Variants in GATA2 observed in about 807,000 individuals in gnomAD.
GATA2 encodes endothelial transcription factor GATA-2.
A neutral mutation model predicts 35.7 loss-of-function variants in GATA2; 6 were observed. That is an observed-to-expected ratio of 0.17 (90% CI 0.09 to 0.33). GATA2 has a LOEUF of 0.33. GATA2 is among the 10% of genes least tolerant of loss of function. The pLI is 1.00. For synonymous variants in GATA2, 313 were observed against 274.9 expected, an observed-to-expected ratio of 1.14 and a Z score of -1.37; for missense variants, 541 against 656.6, an observed-to-expected ratio of 0.82 and a Z score of 1.92.
At position 128,480,182 on chromosome 3, in the gene GATA2, T is replaced by C. The variant is rs780728933; in HGVS notation, c.*837A>G. ...CATTTTTTTAATATTTTTTCTTTTG[T>C]CTCAGAGTAGGAGGCGAGGGGGTTG... is the stretch of plus-strand genomic sequence containing the variant. On this transcript the variant is annotated 3_prime_UTR_variant, in exon 6 of 6. Coordinates refer to ENST00000341105, the MANE Select transcript of GATA2 (RefSeq NM_032638.5). The C allele has an allele frequency of 8.6e-6, 2 of 233,164 alleles. No homozygotes were observed. The highest frequency in any genetic ancestry group is 1.7e-5 in the Non-Finnish European group (2 of 118,060). 14.4% of individuals were successfully genotyped at this position (233,164 alleles called of 1,614,324 possible). A position where few individuals can be genotyped will look rare whatever the true frequency, so the allele number is the denominator to read the frequency against.
chr3:128,480,228 T>C lies in GATA2; in HGVS notation c.*791A>G. ...GGTTGAAGGGTTAGCAGAAAAAGGA[T>C]GTATTTACAGGGTCCACCTGACAAG... On this transcript the variant is annotated 3_prime_UTR_variant, in exon 6 of 6. Coordinates refer to ENST00000341105, the MANE Select transcript of GATA2 (RefSeq NM_032638.5). 8.6e-6 allele frequency: 2 copies of C among 233,336 alleles called. No individual in the cohort carries two copies. The highest frequency in any genetic ancestry group is 1.7e-5 in the Non-Finnish European group (2 of 118,076). The allele number at this position is 233,336 out of a possible 1,614,324, so 14.5% of individuals were successfully genotyped here.
chr3:128,481,176 C>T lies in GATA2; in HGVS notation c.1286G>A (p.Ser429Asn), dbSNP rs201155045. The T allele has an allele frequency of 3.1e-6, 5 of 1,614,238 alleles. No individual in the cohort carries two copies. Among genetic ancestry groups the T allele is most frequent in the Non-Finnish European group, 4.2e-6 (5 of 1,180,038 alleles). Residue 429 changes from serine to asparagine, a missense_variant, in exon 6 of 6, where the codon AGT becomes AAT. Physicochemically the swap from Ser to Asn is conservative, Grantham distance 46 (BLOSUM62 1). This residue lies in a region of GATA2 where 95 missense variants were observed against 114.0 expected (regional missense o/e 0.83). Coordinates refer to ENST00000341105, the MANE Select transcript of GATA2 (RefSeq NM_032638.5). ...KCMQEKSSPF[S>N]AAALAGHMAP... Reference sequence around the variant, plus strand: ...CATGTGTCCAGCCAGGGCAGCTGCACTGAAGGGGGATGACTTCTCCTGCAT... The same window carrying T: ...CATGTGTCCAGCCAGGGCAGCTGCATTGAAGGGGGATGACTTCTCCTGCAT...
chr3:128,484,185 G>A (rs1020285570), intron 3 of GATA2, among the ~76,000 whole-genome samples, 180 bp from the exon 4 acceptor site: 2 of 152,246 alleles, frequency 1.3e-5, no homozygotes, highest in African/African-American at 4.8e-5. Flanking sequence ...CACATGGGAG[G>A]GGGCACAGGT....
chr3:128,482,032 C>G (rs1260794100), intron 4 of GATA2, 88 bp from the exon 5 acceptor site: 92 of 1,544,486 alleles, frequency 6.0e-5, no homozygotes, highest in Non-Finnish European at 7.6e-5. Flanking sequence ...CCAGTCCCCA[C>G]CAGCTCAGTC....
At chr3:128,481,985 C>T in intron 4 of GATA2, 41 bp from the exon 5 acceptor site, 1 of 1,607,834 alleles carries the variant, frequency 6.2e-7, no homozygotes, top group Non-Finnish European at 8.5e-7. Flanking sequence ...GACTCCCACG[C>T]CCACCTCGAC....
At position 128,480,885 on chromosome 3, in the gene GATA2, G is replaced by T; in HGVS notation, c.*134C>A. The T allele has an allele frequency of 1.0e-6, 1 of 989,684 alleles. No homozygotes were observed. The highest frequency in any genetic ancestry group is 1.5e-6 in the Non-Finnish European group (1 of 683,990). The allele number at this position is 989,684 out of a possible 1,614,324, so 61.3% of individuals were successfully genotyped here. On this transcript the variant is annotated 3_prime_UTR_variant, in exon 6 of 6. Transcript: ENST00000341105. ...ACAGTAACTGCTGGCAGGCTGCTGG[G>T]CGCCCTCCAGGAGAGGGGGTGCTGG...
rs1426383629 is a variant in GATA2, at chr3:128,488,977, G to A, written c.-45-1901C>T. On this transcript the variant is annotated intron_variant, in intron 1 of 5. Coordinates refer to ENST00000341105, the MANE Select transcript of GATA2 (RefSeq NM_032638.5). This position sits in a 1 kb window ranked among gnomAD's most constrained non-coding sequence, Gnocchi z 5.8. ...CCGAGTACTGGGGGGACTCAACAGCGTCCTCCAGCCCTCTTCCCTGTTGGG... is the reference window on the plus strand; with the variant it reads ...CCGAGTACTGGGGGGACTCAACAGCATCCTCCAGCCCTCTTCCCTGTTGGG... 6.6e-6 allele frequency among the ~76,000 whole-genome samples: 1 copy of A among 152,088 alleles called. No homozygotes were observed. Among genetic ancestry groups the A allele is most frequent in the African/African-American group, 2.4e-5 (1 of 41,420 alleles).
At chr3:128,482,131 A>G (rs1576745510) in intron 4 of GATA2, 187 bp from the exon 5 acceptor site, 2 of 740,474 alleles carry the variant, frequency 2.7e-6, no homozygotes, top group East Asian at 5.5e-5. Context: ...AGACTCACAG[A>G]ACTTTGGAAT....
intron 1 of GATA2, among the ~76,000 whole-genome samples, chr3:128,487,292 TCA>T (rs1455546876): frequency 6.6e-6 from 1 of 152,056 alleles, no homozygotes; most frequent in African/African-American, 2.4e-5. Flanking sequence ...GGCTCCAGAA[TCA>T]CACACCCGTG....
rs199640729 is a variant in GATA2, at chr3:128,486,118, G to A, written c.480C>T (p.Thr160=). The change falls in exon 3 of 6, where the codon ACC becomes ACT. Residue 160 remains threonine, a synonymous_variant. Coordinates refer to ENST00000341105, the MANE Select transcript of GATA2 (RefSeq NM_032638.5). ...GGGAGCCAGAGTGGGCTGCTGTAGGGGTGAGGGAGGCCACTGAGCTCCCGC... is the reference window on the plus strand; with the variant it reads ...GGGAGCCAGAGTGGGCTGCTGTAGGAGTGAGGGAGGCCACTGAGCTCCCGC... ...GGSGSSVASL[T]PTAAHSGSHL... 4.3e-5 allele frequency: 70 copies of A among 1,611,654 alleles called. No homozygotes were observed. The East Asian group carries it at 1.4e-3, about 33-fold the overall frequency.
rs754721904 is a variant in GATA2 at position 128,486,128 on chromosome 3, G to T, written c.470C>A (p.Ala157Asp). 6.2e-7 allele frequency: 1 copy of T among 1,608,522 alleles called. No individual in the cohort carries two copies. The highest frequency in any genetic ancestry group is 8.5e-7 in the Non-Finnish European group (1 of 1,178,220). Residue 157 changes from alanine to aspartate, a missense_variant, in exon 3 of 6, where the codon GCC becomes GAC. By Grantham distance (126) the Ala-to-Asp change is moderately radical (BLOSUM62 -2). Transcript: ENST00000341105. ...GSGGGSGSSV[A>D]SLTPTAAHSG... ...GTGGGCTGCTGTAGGGGTGAGGGAG[G>T]CCACTGAGCTCCCGCTGCCTCCCCC...
At chr3:128,484,418 C>G (rs572211003) in intron 3 of GATA2, among the ~76,000 whole-genome samples, 7 of 152,290 alleles carry the variant, frequency 4.6e-5, no homozygotes, top group African/African-American at 1.7e-4. Context: ...GTCTCTCCCC[C>G]TCTCCTCTTT....
At chr3:128,486,392 C>G in intron 2 of GATA2, 24 bp from the exon 3 acceptor site, 1 of 1,589,728 alleles carries the variant, frequency 6.3e-7, no homozygotes, top group Non-Finnish European at 8.5e-7. Context: ...GAGAGAGGAT[C>G]AGGGTGGGCA....
chr3:128,491,211 C>T (rs1406316447), intron 1 of GATA2, among the ~76,000 whole-genome samples: 1 of 18,416 alleles, frequency 5.4e-5, no homozygotes, highest in African/African-American at 1.2e-4. Context: ...CCGTCCAGCC[C>T]CCCCCCCCCT....
rs775080624 is a variant in GATA2 at position 128,481,142 on chromosome 3, C to T, written c.1320G>A (p.Val440=). The T allele has an allele frequency of 5.0e-6, 8 of 1,614,178 alleles. No individual in the cohort carries two copies. In the Admixed American group the frequency reaches 1.3e-4, roughly 27 times the overall value. The change falls in exon 6 of 6, where the codon GTG becomes GTA. Residue 440 remains valine, a synonymous_variant. Coordinates refer to ENST00000341105, the MANE Select transcript of GATA2 (RefSeq NM_032638.5). ...AAALAGHMAP[V]GHLPPFSHSG... is the part of the protein sequence containing the mutation. The stretch of plus-strand genomic sequence containing the variant: ...AGTGGCTGAAGGGCGGGAGGTGGCC[C>T]ACAGGTGCCATGTGTCCAGCCAGGG...
Position 128,483,920 on chromosome 3 carries a change from A to G in GATA2, c.957T>C (p.Cys319=). ...DGTGHYLCNA[C]GLYHKMNGQN... ...GCCCATTCATCTTGTGGTAGAGGCC[A>G]CAGGCATTGCACAGGTAGTGGCCGG... Residue 319 remains cysteine, a synonymous_variant, in exon 4 of 6, where the codon TGT becomes TGC. Transcript: ENST00000341105. 3 of 1,614,186 alleles carry G rather than the reference A, an allele frequency of 1.9e-6. No homozygotes were observed. The highest frequency in any genetic ancestry group is 2.2e-5 in the South Asian group (2 of 91,080).
chr3:128,492,199 G>A (rs924552580), intron 1 of GATA2: 3 of 152,222 alleles, frequency 2.0e-5, no homozygotes, highest in Non-Finnish European at 4.4e-5. Flanking sequence ...TCCCCTCGTG[G>A]TTGGAGCAAC....
chr3:128,484,071 G>C, intron 3 of GATA2, 66 bp from the exon 4 acceptor site: 3 of 1,583,446 alleles, frequency 1.9e-6, no homozygotes, highest in Non-Finnish European at 2.6e-6. Flanking sequence ...GGGAGTCCAG[G>C]GCAGGAAAGC....
In GATA2 at chr3:128,486,822, G is replaced by A. The variant is rs2107673388; in HGVS notation, c.210C>T (p.Val70=). The change falls in exon 2 of 6, where the codon GTC becomes GTT. Residue 70 remains valine, a synonymous_variant. Transcript: ENST00000341105. ...YANPAHARAR[V]SYSPAHARLT... The stretch of plus-strand genomic sequence containing the variant: ...GCTCACCGTGCGCGGGGCTGTAGGA[G>A]ACGCGCGCCCGCGCGTGAGCGGGGT... 1.2e-6 allele frequency: 2 copies of A among 1,608,528 alleles called. No individual in the cohort carries two copies. The highest frequency in any genetic ancestry group is 2.2e-5 in the East Asian group (1 of 44,628).
Sources: gnomAD v4.1 joint callset for allele counts (sites outside exome capture counted in the v4.1 genomes callset) on GRCh38, gnomAD v4.1.1 for gene constraint, gnomAD v4.1.1 regional missense constraint, Gnocchi (gnomAD v3.1) non-coding constraint, MANE v1.5 for transcripts, NCBI Gene and HGNC (gene_info 2026-07-23, HGNC 2026-07-21) for gene names.